Variants in STPG2 observed in about 807,000 individuals in gnomAD.
The protein encoded by STPG2 is sperm-tail PG-rich repeat-containing protein 2.
Under a neutral mutation model 54.2 loss-of-function variants are expected in STPG2, and 56 were observed. That is an observed-to-expected ratio of 1.03 (90% CI 0.83 to 1.29). The LOEUF is 1.29. Ranked by LOEUF, STPG2 falls within the 50% of genes most tolerant of loss-of-function variation. The pLI is 0.00. For missense variants in STPG2, 596 were observed against 544.9 expected (o/e 1.09, Z -0.93); for synonymous variants, 200 against 181.8 (o/e 1.10, Z -0.81).
chr4:97,757,806 A>C (rs1178543850), intron 9 of STPG2, among the ~76,000 whole-genome samples: 4 of 152,162 alleles, frequency 2.6e-5, no homozygotes, highest in Admixed American at 1.3e-4. Context: ...CAATAGCTTG[A>C]ATAAGTTGTG....
chr4:97,944,431 A>C (rs1438111060), intron 7 of STPG2, among the ~76,000 whole-genome samples: 1 of 151,990 alleles, frequency 6.6e-6, no homozygotes, highest in Non-Finnish European at 1.5e-5. Flanking sequence ...ATATTTTCTA[A>C]GCAAAATGAT....
intron 5 of STPG2, among the ~76,000 whole-genome samples, chr4:98,055,190 C>T (rs895241761): frequency 7.9e-5 from 12 of 152,052 alleles, no homozygotes; most frequent in African/African-American, 2.9e-4. Context: ...GGACATAATG[C>T]AACAAGAAAA....
At chr4:97,907,393 C>A (rs1163340540) in intron 8 of STPG2, among the ~76,000 whole-genome samples, 3 of 152,176 alleles carry the variant, frequency 2.0e-5, no homozygotes, top group Non-Finnish European at 4.4e-5. Flanking sequence ...GAAGAATAAT[C>A]CATGTTCATG....
chr4:98,022,242 G>C (rs1022792730), intron 5 of STPG2, among the ~76,000 whole-genome samples: 2 of 151,886 alleles, frequency 1.3e-5, no homozygotes, highest in African/African-American at 4.8e-5. Flanking sequence ...GCATTTGCTT[G>C]TCTGTAAAGT....
chr4:97,816,669 A>G (rs922795139), intron 9 of STPG2, among the ~76,000 whole-genome samples: 18 of 151,928 alleles, frequency 1.2e-4, no homozygotes, highest in African/African-American at 3.6e-4. Context: ...ATAGAACAAA[A>G]AGGCAGAGAA....
At chr4:97,516,849 A>AAT (rs61425012) in intron 4 of STPG2, among the ~76,000 whole-genome samples, 77,254 of 148,944 alleles carry the variant, frequency 0.52, 19,937 homozygotes, top group South Asian at 0.63. Context: ...CAACAACAAC[A>AAT]ATATATATAT....
At chr4:97,888,113 G>A (rs578061685) in intron 8 of STPG2, among the ~76,000 whole-genome samples, 3 of 152,344 alleles carry the variant, frequency 2.0e-5, no homozygotes, top group Admixed American at 2.0e-4. Flanking sequence ...TCAGAAGCCT[G>A]CTGCAGGGGC....
At position 97,686,940 on chromosome 4, in the gene STPG2, TA is replaced by T. The variant is rs1398319877; in HGVS notation, c.1320+25758del. ...TTTTACTAATTATTATTATTATTATTATTTTTTTTTTTGAGAGAGAGAGTGA... is the reference window on the plus strand; with the variant it reads ...TTTTACTAATTATTATTATTATTATTTTTTTTTTTTTGAGAGAGAGAGTGA... On this transcript the variant is annotated intron_variant, in intron 10 of 10. Transcript: ENST00000295268. Among the ~76,000 whole-genome samples the T allele has an allele frequency of 6.4e-3, 280 of 43,504 alleles. 2 individuals carry two copies. In the South Asian group the frequency reaches 0.09, roughly 14 times the overall value. The allele number at this position is 43,504 out of a possible 152,430, so 28.5% of individuals were successfully genotyped here. A position where few individuals can be genotyped will look rare whatever the true frequency, so the allele number is the denominator to read the frequency against.
intron 9 of STPG2, among the ~76,000 whole-genome samples, chr4:97,806,659 T>C (rs773158397): frequency 1.3e-5 from 2 of 152,012 alleles, no homozygotes; most frequent in East Asian, 1.9e-4. Context: ...TAATATAAAC[T>C]AGGTTCATCA....
intron 4 of STPG2, among the ~76,000 whole-genome samples, chr4:97,511,970 A>G (rs1346544515): frequency 6.6e-6 from 1 of 152,076 alleles, no homozygotes; most frequent in East Asian, 1.9e-4. Flanking sequence ...ATGAGGCTGG[A>G]GGGATAGGTA....
chr4:97,636,366 T>C (rs13435706), intron 10 of STPG2, among the ~76,000 whole-genome samples: 43,494 of 118,558 alleles, frequency 0.37, 9,599 homozygotes, highest in South Asian at 0.51. Flanking sequence ...ATTTATAGCA[T>C]TAAATGCCCA....
chr4:97,966,524 C>A (rs1323832749), intron 7 of STPG2, among the ~76,000 whole-genome samples: 2 of 152,128 alleles, frequency 1.3e-5, no homozygotes, highest in African/African-American at 4.8e-5. Context: ...ATACAGAGAA[C>A]ACAACAAATA....
chr4:97,704,437 G>C (rs989590409), intron 10 of STPG2, among the ~76,000 whole-genome samples: 1 of 152,076 alleles, frequency 6.6e-6, no homozygotes, highest in Non-Finnish European at 1.5e-5. Flanking sequence ...AATACCATAG[G>C]CTGAAAATAG....
intron 8 of STPG2, among the ~76,000 whole-genome samples, chr4:97,871,317 T>TAATTTATTTTTATTATTTCC (rs1729981719): frequency 2.0e-5 from 3 of 151,040 alleles, no homozygotes; most frequent in Non-Finnish European, 3.0e-5. Context: ...GTAGAGAATT[T>TAATTTATTTTTATTATTTCC]TTTAAATAAT....
At position 97,453,551 on chromosome 4, in the gene STPG2, C is replaced by T. The variant is rs149649926; in HGVS notation, c.462+259148G>A. 4.3e-3 allele frequency among the ~76,000 whole-genome samples: 648 copies of T among 152,296 alleles called. 3 individuals carry two copies. The highest frequency in any genetic ancestry group is 0.02 in the South Asian group (98 of 4,834). ...TCAAAGATCCTGTGACAATGGGATA[C>T]TGATCTGCTGAAATTTTCAAAGAAT... On this transcript the variant is annotated intron_variant, in intron 4 of 4. Transcript: ENST00000522676.
intron 4 of STPG2, among the ~76,000 whole-genome samples, chr4:97,526,925 A>G (rs1731293326): frequency 6.6e-6 from 1 of 151,978 alleles, no homozygotes; most frequent in Admixed American, 6.6e-5. Context: ...CCATTTATTA[A>G]CTAGGGAATC....
chr4:97,639,146 C>G (rs1179818931), intron 10 of STPG2, among the ~76,000 whole-genome samples: 1 of 151,888 alleles, frequency 6.6e-6, no homozygotes, highest in Non-Finnish European at 1.5e-5. Context: ...ACATATACAC[C>G]ATGGAATACT....
intron 4 of STPG2, among the ~76,000 whole-genome samples, chr4:97,512,609 G>A (rs1730995141): frequency 6.6e-6 from 1 of 151,910 alleles, no homozygotes; most frequent in Non-Finnish European, 1.5e-5. Flanking sequence ...AGAGGAAAAT[G>A]AATGGAAGAG....
chr4:98,065,181 C>T (rs1737795056), intron 5 of STPG2, among the ~76,000 whole-genome samples: 1 of 152,072 alleles, frequency 6.6e-6, no homozygotes, highest in Admixed American at 6.5e-5. Flanking sequence ...TGCCAGATAA[C>T]ACCATTATTA....
Sources: gnomAD v4.1 joint callset for allele counts (sites outside exome capture counted in the v4.1 genomes callset) on GRCh38, gnomAD v4.1.1 for gene constraint, MANE v1.5 for transcripts, NCBI Gene and HGNC (gene_info 2026-07-23, HGNC 2026-07-21) for gene names.